KLHDC4: variants seen among roughly 807,000 people sequenced by gnomAD.
KLHDC4 encodes kelch domain containing 4, also known as kelch domain-containing protein 4.
A neutral mutation model predicts 62.4 loss-of-function variants in KLHDC4; 90 were observed. That is an observed-to-expected ratio of 1.44 (90% CI 1.22 to 1.72). The LOEUF (loss-of-function observed/expected upper bound fraction) is 1.72, where lower values mean the gene tolerates loss of function less well. Among genes scored for constraint, KLHDC4 ranks in the 40% most tolerant of loss-of-function variants. The pLI is 0.00. For synonymous variants in KLHDC4, 386 were observed against 284.4 expected, an observed-to-expected ratio of 1.36 and a Z score of -3.59; for missense variants, 1,025 against 699.7, an observed-to-expected ratio of 1.47 and a Z score of -5.25.
intron 5 of KLHDC4, among the ~76,000 whole-genome samples, chr16:87,731,644 G>A (rs1027091492): frequency 2.0e-5 from 3 of 151,462 alleles, no homozygotes; most frequent in Middle Eastern, 6.8e-3. Flanking sequence ...CGGTGAAAAC[G>A]TAACACAGTG....
At chr16:87,724,681 G>T (rs1042157428) in intron 7 of KLHDC4, among the ~76,000 whole-genome samples, 1 of 152,234 alleles carries the variant, frequency 6.6e-6, no homozygotes, top group African/African-American at 2.4e-5. Flanking sequence ...GACGCCATTG[G>T]GGCTGGTATG....
intron 5 of KLHDC4, among the ~76,000 whole-genome samples, chr16:87,742,465 A>C (rs1298024059): frequency 6.6e-6 from 1 of 152,372 alleles, no homozygotes; most frequent in East Asian, 1.9e-4. Flanking sequence ...GCAGCAACTA[A>C]AAAACTTCAC....
intron 8 of KLHDC4, among the ~76,000 whole-genome samples, chr16:87,713,125 G>C (rs1362658721): frequency 3.3e-5 from 5 of 152,208 alleles, no homozygotes; most frequent in Non-Finnish European, 5.9e-5. Flanking sequence ...TCCACCTCCT[G>C]GGCTAGAACA....
intron 6 of KLHDC4, among the ~76,000 whole-genome samples, chr16:87,728,141 C>A (rs940789830): frequency 1.3e-5 from 2 of 152,144 alleles, no homozygotes; most frequent in Admixed American, 6.5e-5. Flanking sequence ...GAGCTGATCA[C>A]GCCACTGCAC....
At chr16:87,738,319 G>T (rs907641405) in intron 5 of KLHDC4, among the ~76,000 whole-genome samples, 1 of 151,950 alleles carries the variant, frequency 6.6e-6, no homozygotes, top group Non-Finnish European at 1.5e-5. Context: ...CCTCACATCA[G>T]GAGAAAACAG....
chr16:87,761,891 G>C (rs1162744399), intron 2 of KLHDC4, 58 bp downstream of exon 2: 6 of 1,545,220 alleles, frequency 3.9e-6, no homozygotes, highest in East Asian at 4.5e-5. Context: ...ATTTAAAGCA[G>C]TTTTTCAATG....
At chr16:87,727,279 G>A (rs573127930) in intron 6 of KLHDC4, among the ~76,000 whole-genome samples, 1 of 152,226 alleles carries the variant, frequency 6.6e-6, no homozygotes, top group Non-Finnish European at 1.5e-5. Context: ...CACAGAGGCA[G>A]AGGAATTTAA....
At chr16:87,744,450 G>A (rs1257423122) in intron 5 of KLHDC4, among the ~76,000 whole-genome samples, 1 of 151,468 alleles carries the variant, frequency 6.6e-6, no homozygotes, top group Non-Finnish European at 1.5e-5. Context: ...AGGCATGATG[G>A]CAGACACCTG....
At chr16:87,763,786 G>A (rs2046220241) in intron 1 of KLHDC4, among the ~76,000 whole-genome samples, 1 of 152,158 alleles carries the variant, frequency 6.6e-6, no homozygotes, top group Admixed American at 6.6e-5. Flanking sequence ...TCATCATTGG[G>A]TGACTGAAGG....
intron 1 of KLHDC4, chr16:87,765,336 G>A (rs1356732456): frequency 2.2e-6 from 1 of 457,382 alleles, no homozygotes; most frequent in Non-Finnish European, 4.4e-6. Context: ...ATGATTATTT[G>A]CCCTCTTTTG....
intron 6 of KLHDC4, 147 bp from the exon 7 acceptor site, chr16:87,727,071 C>T (rs969334660): frequency 5.0e-6 from 4 of 796,904 alleles, no homozygotes; most frequent in Non-Finnish European, 7.8e-6. Flanking sequence ...TACACCAACA[C>T]AACAATCAAC....
intron 5 of KLHDC4, among the ~76,000 whole-genome samples, chr16:87,731,451 G>GA (rs1300400708): frequency 2.0e-5 from 3 of 147,758 alleles, no homozygotes; most frequent in Admixed American, 6.8e-5. Flanking sequence ...TCGTAAGATA[G>GA]AAAAATGGGG....
downstream of KLHDC4, among the ~76,000 whole-genome samples, chr16:87,705,369 C>G (rs1370786196): frequency 2.0e-5 from 3 of 152,274 alleles, no homozygotes; most frequent in African/African-American, 7.2e-5. Context: ...TTCCGCGTCT[C>G]CCACGGTTCC....
exon 1 of KLHDC4, chr16:87,701,752 T>C (rs1199155695): frequency 2.2e-6 from 1 of 456,702 alleles, no homozygotes; most frequent in Non-Finnish European, 4.4e-6. Context: ...CGCCCGCCCG[T>C]CCTCCCAAGC....
rs2046558735 is a variant in KLHDC4 at position 87,765,702 on chromosome 16, G to A, written c.99+90C>T. The A allele has an allele frequency of 5.4e-6, 7 of 1,293,042 alleles. No homozygotes were observed. The South Asian group carries it at 8.5e-5, about 16-fold the overall frequency. 80.1% of individuals were successfully genotyped at this position (1,293,042 alleles called of 1,614,324 possible). ...CCCGCAGGGCCGGCGCGGCTCCCAC[G>A]GCCGACCCGTAACCCCGGGGGGCGC... On this transcript the variant is annotated intron_variant, in intron 1 of 11. Transcript: ENST00000270583.
At position 87,707,962 on chromosome 16, in the gene KLHDC4, A is replaced by G. The variant is rs2034974050; in HGVS notation, c.*115T>C. 4.3e-6 allele frequency: 2 copies of G among 469,638 alleles called. No homozygotes were observed. The highest frequency in any genetic ancestry group is 8.5e-6 in the Non-Finnish European group (2 of 236,058). The allele number at this position is 469,638 out of a possible 1,614,324, so 29.1% of individuals were successfully genotyped here. A position where few individuals can be genotyped will look rare whatever the true frequency, so the allele number is the denominator to read the frequency against. On this transcript the variant is annotated 3_prime_UTR_variant, in exon 12 of 12. Transcript: ENST00000270583. ...ACCCTGGCCTGGGCCACCCACCTTCAGCTCTCTCCTGTGCGTCAGGACGCA... is the reference window on the plus strand; with the variant it reads ...ACCCTGGCCTGGGCCACCCACCTTCGGCTCTCTCCTGTGCGTCAGGACGCA...
intron 5 of KLHDC4, among the ~76,000 whole-genome samples, chr16:87,733,808 G>T (rs1210757828): frequency 6.6e-6 from 1 of 151,478 alleles, no homozygotes; most frequent in Non-Finnish European, 1.5e-5. Context: ...TCCTACTTAG[G>T]AATCCACTCC....
chr16:87,712,856 G>C (rs903077776), intron 8 of KLHDC4, among the ~76,000 whole-genome samples: 6 of 152,212 alleles, frequency 3.9e-5, no homozygotes, highest in African/African-American at 1.4e-4. Context: ...TAGGCATTGG[G>C]TCTCCTGGGT....
intron 4 of KLHDC4, among the ~76,000 whole-genome samples, chr16:87,749,981 G>A (rs544142657): frequency 3.3e-5 from 5 of 152,294 alleles, no homozygotes; most frequent in South Asian, 2.1e-4. Flanking sequence ...AAAGCACTCC[G>A]GCAGCAGGGG....
Sources: gnomAD v4.1 joint callset for allele counts (sites outside exome capture counted in the v4.1 genomes callset) on GRCh38, gnomAD v4.1.1 for gene constraint, MANE v1.5 for transcripts, NCBI Gene and HGNC (gene_info 2026-07-23, HGNC 2026-07-21) for gene names.